The following CD68 variants were observed in gnomAD, a reference collection of about 807,000 sequenced individuals.
The protein encoded by CD68 is macrosialin.
A neutral mutation model predicts 31.3 loss-of-function variants in CD68; 24 were observed. The observed-to-expected ratio is 0.77, with a 90% confidence interval of 0.55 to 1.08. CD68 has a LOEUF of 1.08. Among genes scored for constraint, CD68 ranks in the 50% least tolerant of loss-of-function variants. The pLI is 0.00. For missense variants in CD68, 461 were observed against 442.5 expected (o/e 1.04, Z -0.38); for synonymous variants, 190 against 179.6 (o/e 1.06, Z -0.46).
At position 7,579,980 on chromosome 17, in the gene CD68, C is replaced by T. The variant is rs777785825; in HGVS notation, c.220C>T (p.Pro74Ser). The T allele has an allele frequency of 3.1e-6, 5 of 1,609,004 alleles. No individual in the cohort carries two copies. Among genetic ancestry groups the T allele is most frequent in the Non-Finnish European group, 4.3e-6 (5 of 1,175,914 alleles). ...CACCACAGGCACCACCAGCCACGGA[C>T]CCACGACTGCCACTCACAACCCCAC... is the stretch of plus-strand genomic sequence containing the variant. Reference protein sequence around the residue: ...TTTTGTTSHGPTTATHNPTTT... With the variant: ...TTTTGTTSHGSTTATHNPTTT... Residue 74 changes from proline (P) to serine (S), a missense_variant, in exon 2 of 6, where the codon CCC (proline) becomes TCC (serine). By Grantham distance (74) the Pro-to-Ser change is moderately conservative (BLOSUM62 -1). Coordinates refer to ENST00000250092, the MANE Select transcript of CD68 (RefSeq NM_001251.3).
Position 7,580,616 on chromosome 17 carries a change from C to T in CD68, c.687+31C>T, listed in dbSNP as rs774256054. On this transcript the variant is annotated intron_variant, in intron 3 of 5. Coordinates refer to ENST00000250092, the MANE Select transcript of CD68 (RefSeq NM_001251.3). The surrounding 1 kb of genome is among the most constrained non-coding windows in gnomAD (Gnocchi z 4.3). ...GCCATGACCTCAGTCTCACCCCTCA[C>T]TCAGCCTCCCGGCGCCCCTCCCCTC... 58 of 1,613,708 alleles carry T rather than the reference C, an allele frequency of 3.6e-5. No homozygotes were observed. Among genetic ancestry groups the T allele is most frequent in the Non-Finnish European group, 4.7e-5 (56 of 1,179,836 alleles).
Position 7,580,125 on chromosome 17 carries a change from A to G in CD68, c.365A>G (p.His122Arg). 1 of 1,614,108 alleles carries G rather than the reference A, an allele frequency of 6.2e-7. No individual in the cohort carries two copies. The highest frequency in any genetic ancestry group is 8.5e-7 in the Non-Finnish European group (1 of 1,179,990). ...ATTSHGNATV[H>R]PTSNSTATSP... ...ACTAGTCATGGAAATGCCACGGTTC[A>G]TCCAACAAGCAACAGCACTGCCACC... The change falls in exon 2 of 6, where the codon CAT (histidine) becomes CGT (arginine). Residue 122 changes from histidine (H) to arginine (R), a missense_variant. Physicochemically the swap from His to Arg is conservative, Grantham distance 29. Transcript: ENST00000250092. The surrounding 1 kb of genome is among the most constrained non-coding windows in gnomAD (Gnocchi z 4.3).
chr17:7,581,121 C>A, intron 5 of CD68, 55 bp downstream of exon 5: 1 of 1,490,748 alleles, frequency 6.7e-7, no homozygotes, highest in Non-Finnish European at 9.3e-7. Flanking sequence ...CTGAAAACCC[C>A]TTCCCCAGGC....
In CD68 at chr17:7,580,593, C is replaced by T; in HGVS notation, c.687+8C>T. 6.2e-7 allele frequency: 1 copy of T among 1,613,964 alleles called. No individual in the cohort carries two copies. The highest frequency in any genetic ancestry group is 8.5e-7 in the Non-Finnish European group (1 of 1,179,972). ...AGCTTTGGATTCATGCAGGTATAGC[C>T]ATGACCTCAGTCTCACCCCTCACTC... On this transcript the variant is annotated splice_region_variant and intron_variant, in intron 3 of 5. Transcript: ENST00000250092. The surrounding 1 kb of genome is among the most constrained non-coding windows in gnomAD (Gnocchi z 4.3).
rs1250492143 is a variant in CD68, at chr17:7,579,717, C to T, written c.40C>T (p.Leu14=). 6.2e-7 allele frequency: 1 copy of T among 1,604,102 alleles called. No individual in the cohort carries two copies. The highest frequency in any genetic ancestry group is 1.3e-5 in the African/African-American group (1 of 74,430). ...GCTTTTCTCGGGGGCCCTGCTGGGG[C>T]TACTGGCAGGTAAGGAGGAAGGAGG... ...AVLFSGALLG[L]LAAQGTGNDC... The change falls in exon 1 of 6, where the codon CTA becomes TTA. Residue 14 remains leucine (L), a synonymous_variant. Transcript: ENST00000250092.
Position 7,579,933 on chromosome 17 carries a change from A to AAACCACCACTCACAGGAC in CD68, c.183_200dup (p.His62_Thr67dup). ...AGCCACAGGACTACCAAGAGCCACA[A>AAACCACCACTCACAGGAC]AACCACCACTCACAGGACAACCACC... On this transcript the variant is annotated inframe_insertion, in exon 2 of 6. Transcript: ENST00000250092. 1.9e-6 allele frequency: 3 copies of AAACCACCACTCACAGGAC among 1,613,970 alleles called. No homozygotes were observed. The highest frequency in any genetic ancestry group is 2.5e-6 in the Non-Finnish European group (3 of 1,179,960).
intron 1 of CD68, 33 bp downstream of exon 1, chr17:7,579,759 C>A: frequency 6.2e-7 from 1 of 1,602,358 alleles, no homozygotes; most frequent in Non-Finnish European, 8.5e-7. Flanking sequence ...GGAGGGGGCC[C>A]CTGGGAGGGA....
chr17:7,581,120 C>A, intron 5 of CD68, 54 bp downstream of exon 5: 1 of 1,501,916 alleles, frequency 6.7e-7, no homozygotes, highest in South Asian at 1.1e-5. Flanking sequence ...ACTGAAAACC[C>A]CTTCCCCAGG....
chr17:7,579,759 C>T (rs745490162), intron 1 of CD68, 33 bp downstream of exon 1: 2 of 1,602,358 alleles, frequency 1.2e-6, no homozygotes, highest in South Asian at 2.2e-5. Context: ...GGAGGGGGCC[C>T]CTGGGAGGGA....
chr17:7,579,821 G>A lies in CD68; in HGVS notation c.61G>A (p.Gly21Arg), dbSNP rs778470221. The change falls in exon 2 of 6, where the codon GGG (glycine) becomes AGG (arginine). Residue 21 changes from glycine (G) to arginine (R), a missense_variant. Transcript: ENST00000250092. ...LLGLLAAQGT[G>R]NDCPHKKSAT... Reference sequence around the variant, plus strand: ...CTCTCTGCCAAAAGCCCAGGGGACAGGGAATGACTGTCCTCACAAAAAATC... The same window carrying A: ...CTCTCTGCCAAAAGCCCAGGGGACAAGGAATGACTGTCCTCACAAAAAATC... 2 of 1,613,608 alleles carry A rather than the reference G, an allele frequency of 1.2e-6. No homozygotes were observed. Among genetic ancestry groups the A allele is most frequent in the East Asian group, 2.2e-5 (1 of 44,870 alleles).
chr17:7,580,655 C>T lies in CD68; in HGVS notation c.688-56C>T. Reference sequence around the variant, plus strand: ...GCCCCTCCCCTCCCAATCCCACACGCTACTCCTTCCTCTGTGGAGAGGGAT... The same window carrying T: ...GCCCCTCCCCTCCCAATCCCACACGTTACTCCTTCCTCTGTGGAGAGGGAT... On this transcript the variant is annotated intron_variant, in intron 3 of 5. Coordinates refer to ENST00000250092, the MANE Select transcript of CD68 (RefSeq NM_001251.3). This position sits in a 1 kb window ranked among gnomAD's most constrained non-coding sequence, Gnocchi z 4.3. The T allele has an allele frequency of 6.2e-7, 1 of 1,613,690 alleles. No individual in the cohort carries two copies. Among genetic ancestry groups the T allele is most frequent in the East Asian group, 2.2e-5 (1 of 44,864 alleles).
At position 7,581,923 on chromosome 17, in the gene CD68, G is replaced by A. The variant is rs2071491092; in HGVS notation, c.*412G>A. ...CGCGCCACTGCACTCCAGCCTGGGC[G>A]ACAGAGCCAGACTGTCTCAAATAAA... On this transcript the variant is annotated 3_prime_UTR_variant, in exon 6 of 6. Transcript: ENST00000250092. The A allele has an allele frequency of 5.5e-6, 1 of 182,830 alleles. No individual in the cohort carries two copies. Among genetic ancestry groups the A allele is most frequent in the Admixed American group, 5.6e-5 (1 of 17,858 alleles). The allele number at this position is 182,830 out of a possible 1,614,324, so 11.3% of individuals were successfully genotyped here.
In CD68 at chr17:7,580,379, G is replaced by A. The variant is rs750311651; in HGVS notation, c.567+52G>A. 6.2e-6 allele frequency: 10 copies of A among 1,609,072 alleles called. No homozygotes were observed. The East Asian group carries it at 2.0e-4, about 32-fold the overall frequency. On this transcript the variant is annotated intron_variant, in intron 2 of 5. Coordinates refer to ENST00000250092, the MANE Select transcript of CD68 (RefSeq NM_001251.3). The surrounding 1 kb of genome is among the most constrained non-coding windows in gnomAD (Gnocchi z 4.3). ...GGGAGGGAGGCAGGACTGGATATAG[G>A]CTCAGAGGGAAGAAGGAAGAGGGGA... is the stretch of plus-strand genomic sequence containing the variant.
rs781278034 is a variant in CD68 at position 7,581,545 on chromosome 17, T to C, written c.*34T>C. ...TTCAAACCCCAGGGCACTGAGGGGGTTGGGGTGTGGTGGGGGGGTACCCTT... is the reference window on the plus strand; with the variant it reads ...TTCAAACCCCAGGGCACTGAGGGGGCTGGGGTGTGGTGGGGGGGTACCCTT... On this transcript the variant is annotated 3_prime_UTR_variant, in exon 6 of 6. Transcript: ENST00000250092. The C allele has an allele frequency of 1.2e-6, 2 of 1,611,396 alleles. No homozygotes were observed.
intron 1 of CD68, 39 bp from the exon 2 acceptor site, chr17:7,579,771 C>G (rs375823616): frequency 1.9e-4 from 299 of 1,603,356 alleles, no homozygotes; most frequent in Non-Finnish European, 2.4e-4. Context: ...TGGGAGGGAG[C>G]CTGCCCTGGG....
Position 7,581,603 on chromosome 17 carries a change from T to C in CD68, c.*92T>C. 4 of 1,350,298 alleles carry C rather than the reference T, an allele frequency of 3.0e-6. No individual in the cohort carries two copies. Among genetic ancestry groups the C allele is most frequent in the Non-Finnish European group, 4.2e-6 (4 of 958,882 alleles). The allele number at this position is 1,350,298 out of a possible 1,614,324, so 83.6% of individuals were successfully genotyped here. A position where few individuals can be genotyped will look rare whatever the true frequency, so the allele number is the denominator to read the frequency against. On this transcript the variant is annotated 3_prime_UTR_variant, in exon 6 of 6. Transcript: ENST00000250092. ...CGACACGCAACTGGCTCAAAGACAA[T>C]GTTATTTTCCTTCCCTTTCTTGAAG...
rs372389596 is a variant in CD68, at chr17:7,580,105, T to G, written c.345T>G (p.Ser115Arg). 8.1e-6 allele frequency: 13 copies of G among 1,613,406 alleles called. No homozygotes were observed. Among genetic ancestry groups the G allele is most frequent in the Non-Finnish European group, 1.1e-5 (13 of 1,179,880 alleles). ...STATHSPATT[S>R]HGNATVHPTS... Reference sequence around the variant, plus strand: ...CCACTCACAGTCCTGCCACCACTAGTCATGGAAATGCCACGGTTCATCCAA... The same window carrying G: ...CCACTCACAGTCCTGCCACCACTAGGCATGGAAATGCCACGGTTCATCCAA... Residue 115 changes from serine to arginine, a missense_variant, in exon 2 of 6, where the codon AGT (serine) becomes AGG (arginine). By Grantham distance (110) the Ser-to-Arg change is moderately radical (BLOSUM62 -1). Transcript: ENST00000250092. This position sits in a 1 kb window ranked among gnomAD's most constrained non-coding sequence, Gnocchi z 4.3.
In CD68 at chr17:7,580,656, T is replaced by C; in HGVS notation, c.688-55T>C. The C allele has an allele frequency of 1.9e-6, 3 of 1,613,544 alleles. No individual in the cohort carries two copies. The highest frequency in any genetic ancestry group is 4.5e-5 in the East Asian group (2 of 44,858). On this transcript the variant is annotated intron_variant, in intron 3 of 5. Coordinates refer to ENST00000250092, the MANE Select transcript of CD68 (RefSeq NM_001251.3). This position sits in a 1 kb window ranked among gnomAD's most constrained non-coding sequence, Gnocchi z 4.3. Reference sequence around the variant, plus strand: ...CCCCTCCCCTCCCAATCCCACACGCTACTCCTTCCTCTGTGGAGAGGGATA... The same window carrying C: ...CCCCTCCCCTCCCAATCCCACACGCCACTCCTTCCTCTGTGGAGAGGGATA...
At position 7,579,944 on chromosome 17, in the gene CD68, C is replaced by G; in HGVS notation, c.184C>G (p.His62Asp). 1 of 1,613,806 alleles carries G rather than the reference C, an allele frequency of 6.2e-7. No homozygotes were observed. The highest frequency in any genetic ancestry group is 8.5e-7 in the Non-Finnish European group (1 of 1,179,816). ...TACCAAGAGCCACAAAACCACCACT[C>G]ACAGGACAACCACCACAGGCACCAC... ...RTTKSHKTTT[H>D]RTTTTGTTSH... Residue 62 changes from histidine (H) to aspartate (D), a missense_variant, in exon 2 of 6, where the codon CAC becomes GAC. Physicochemically the swap from His to Asp is moderately conservative, Grantham distance 81. Coordinates refer to ENST00000250092, the MANE Select transcript of CD68 (RefSeq NM_001251.3).
Sources: gnomAD v4.1 joint callset for allele counts on GRCh38, gnomAD v4.1.1 for gene constraint, Gnocchi (gnomAD v3.1) non-coding constraint, MANE v1.5 for transcripts, NCBI Gene and HGNC (gene_info 2026-07-23, HGNC 2026-07-21) for gene names.